Variants in NMRK1 observed in about 807,000 individuals in gnomAD.
The protein encoded by NMRK1 is NRK 1.
A neutral mutation model predicts 29.9 loss-of-function variants in NMRK1; 28 were observed. The observed-to-expected ratio is 0.94, with a 90% CI of 0.69 to 1.28. The LOEUF is 1.28. NMRK1 is among the 50% of genes most tolerant of loss of function. The pLI, the probability that NMRK1 is intolerant of heterozygous loss-of-function variation, is 0.00. For synonymous variants in NMRK1, 58 were observed against 73.0 expected (o/e 0.79, Z 1.05); for missense variants, 218 against 233.1 (o/e 0.94, Z 0.42).
intron 4 of NMRK1, among the ~76,000 whole-genome samples, chr9:75,072,768 T>G (rs906425451): frequency 2.0e-5 from 3 of 152,236 alleles, no homozygotes; most frequent in Non-Finnish European, 4.4e-5. Flanking sequence ...TTATAGAGTA[T>G]CTTTACATTT....
chr9:75,061,414 G>A lies in NMRK1; in HGVS notation c.*134C>T, dbSNP rs187151120. On this transcript the variant is annotated 3_prime_UTR_variant, in exon 9 of 9. Transcript: ENST00000361092. Reference sequence around the variant, plus strand: ...TTGTTCCACATGTTGGGAAAACCATGTGCAATAAAAATCAAACATATGAAA... The same window carrying A: ...TTGTTCCACATGTTGGGAAAACCATATGCAATAAAAATCAAACATATGAAA... 4.2e-3 allele frequency: 2,964 copies of A among 706,188 alleles called. 15 individuals carry two copies. The highest frequency in any genetic ancestry group is 0.013 in the South Asian group (699 of 55,758). The allele number at this position is 706,188 out of a possible 1,614,324, so 43.7% of individuals were successfully genotyped here.
chr9:75,066,675 G>T, intron 8 of NMRK1, 82 bp downstream of exon 8: 2 of 822,210 alleles, frequency 2.4e-6, no homozygotes, highest in Non-Finnish European at 4.3e-6. Context: ...CTAGCATTCT[G>T]GTATTCCATT....
chr9:75,073,011 C>T (rs906546236), intron 4 of NMRK1, among the ~76,000 whole-genome samples: 2 of 152,170 alleles, frequency 1.3e-5, no homozygotes, highest in African/African-American at 4.8e-5. Flanking sequence ...GAGTTGAATG[C>T]GTCCCCCTAT....
intron 4 of NMRK1, 24 bp from the exon 5 acceptor site, chr9:75,070,066 T>G (rs375347630): frequency 1.2e-6 from 2 of 1,601,156 alleles, no homozygotes; most frequent in South Asian, 1.1e-5. Flanking sequence ...CACAAAAATA[T>G]GCAATCAATA....
chr9:75,082,963 T>C, intron 2 of NMRK1, 124 bp downstream of exon 2: 1 of 721,918 alleles, frequency 1.4e-6, no homozygotes, highest in South Asian at 1.6e-5. Flanking sequence ...TATTCCACAG[T>C]GGTCTGCTCT....
chr9:75,079,003 C>T (rs115425831), intron 2 of NMRK1, among the ~76,000 whole-genome samples: 1,549 of 152,234 alleles, frequency 0.01, 31 homozygotes, highest in African/African-American at 0.036. Flanking sequence ...CACCATACCA[C>T]CAAAATGTTC....
Position 75,079,875 on chromosome 9 carries a change from C to A in NMRK1, c.30-2295G>T, listed in dbSNP as rs146044400. On this transcript the variant is annotated intron_variant, in intron 2 of 8. Transcript: ENST00000361092. ...GCCCACAACCACCACGTGTAGCTTG[C>A]GTGTGCTACCCAACCTGAGGAGAAG... 3.9e-5 allele frequency among the ~76,000 whole-genome samples: 6 copies of A among 152,300 alleles called. No individual in the cohort carries two copies. The East Asian group carries it at 1.2e-3, about 29-fold the overall frequency.
intron 4 of NMRK1, among the ~76,000 whole-genome samples, chr9:75,073,070 T>C (rs556988840): frequency 1.3e-5 from 2 of 152,330 alleles, no homozygotes; most frequent in South Asian, 4.1e-4. Flanking sequence ...TTTGGAAATA[T>C]GGTCATTACA....
chr9:75,079,403 G>C (rs1283843961), intron 2 of NMRK1, among the ~76,000 whole-genome samples: 1 of 152,222 alleles, frequency 6.6e-6, no homozygotes, highest in Admixed American at 6.5e-5. Context: ...GTGAACAGGG[G>C]TGACTTTATT....
chr9:75,069,626 G>T (rs1823577491), intron 6 of NMRK1, 116 bp downstream of exon 6: 1 of 788,696 alleles, frequency 1.3e-6, no homozygotes, highest in African/African-American at 1.8e-5. Flanking sequence ...AAGAGTTAAG[G>T]CTTCCTGTCT....
chr9:75,062,227 A>G (rs1823064805), intron 8 of NMRK1, among the ~76,000 whole-genome samples: 1 of 152,228 alleles, frequency 6.6e-6, no homozygotes, highest in Non-Finnish European at 1.5e-5. Context: ...ACTTGTAACA[A>G]CAGTAAATAT....
At chr9:75,073,425 C>T (rs1261096331) in intron 4 of NMRK1, among the ~76,000 whole-genome samples, 1 of 152,174 alleles carries the variant, frequency 6.6e-6, no homozygotes, top group African/African-American at 2.4e-5. Flanking sequence ...CAAACTAATA[C>T]ACAAAGGAAG....
chr9:75,077,458 TA>T (rs1436758704), intron 3 of NMRK1, 31 bp downstream of exon 3: 1 of 1,392,816 alleles, frequency 7.2e-7, no homozygotes, highest in Non-Finnish European at 1.0e-6. Context: ...ATTTTTGTAT[TA>T]AATAAATAAT....
chr9:75,069,590 G>A, intron 6 of NMRK1, 152 bp downstream of exon 6: 1 of 654,224 alleles, frequency 1.5e-6, no homozygotes, highest in Non-Finnish European at 2.6e-6. Context: ...GACCATTTAT[G>A]GAAAAGAGTT....
chr9:75,068,989 C>G lies in NMRK1; in HGVS notation c.496+7G>C, dbSNP rs1823531859. 8 of 1,592,472 alleles carry G rather than the reference C, an allele frequency of 5.0e-6. No homozygotes were observed. The highest frequency in any genetic ancestry group is 6.0e-6 in the Non-Finnish European group (7 of 1,160,420). On this transcript the variant is annotated splice_region_variant and intron_variant, in intron 7 of 8. Coordinates refer to ENST00000361092, the MANE Select transcript of NMRK1 (RefSeq NM_017881.3). Reference sequence around the variant, plus strand: ...AGGCCTTGAACAGAAGGAGAAAAGGCACTTACCAACTTCCCATGTGATGTC... The same window carrying G: ...AGGCCTTGAACAGAAGGAGAAAAGGGACTTACCAACTTCCCATGTGATGTC...
At chr9:75,086,539 G>C (rs905039875) in intron 1 of NMRK1, among the ~76,000 whole-genome samples, 1 of 152,034 alleles carries the variant, frequency 6.6e-6, no homozygotes, top group Non-Finnish European at 1.5e-5. Context: ...TAAAATGTTG[G>C]GTTTTTTAAA....
chr9:75,069,662 T>A lies in NMRK1; in HGVS notation c.389+80A>T, dbSNP rs1823579900. On this transcript the variant is annotated intron_variant, in intron 6 of 8. Transcript: ENST00000361092. The stretch of plus-strand genomic sequence containing the variant: ...CTGAAAAATGACGTATACGCATTGC[T>A]CAATAATGTTGCTGTCCTCATTTTT... 6 of 1,109,486 alleles carry A rather than the reference T, an allele frequency of 5.4e-6. No homozygotes were observed. In the South Asian group the frequency reaches 7.8e-5, roughly 14 times the overall value. 68.7% of individuals were successfully genotyped at this position (1,109,486 alleles called of 1,614,324 possible).
intron 2 of NMRK1, among the ~76,000 whole-genome samples, chr9:75,080,889 C>G (rs1029705940): frequency 1.3e-5 from 2 of 152,182 alleles, no homozygotes; most frequent in Non-Finnish European, 2.9e-5. Context: ...TGACTGTAAG[C>G]TTCCTGAGGC....
intron 8 of NMRK1, among the ~76,000 whole-genome samples, chr9:75,062,125 A>C (rs576552075): frequency 1.3e-5 from 2 of 152,318 alleles, no homozygotes; most frequent in Non-Finnish European, 2.9e-5. Context: ...CACTTCTGGG[A>C]ATTTACTCCA....
Sources: allele counts gnomAD v4.1 joint callset (sites outside exome capture counted in the v4.1 genomes callset), GRCh38; gene constraint gnomAD v4.1.1; transcripts MANE v1.5; gene names NCBI Gene and HGNC (gene_info 2026-07-23, HGNC 2026-07-21).